TCERG1L: variants seen among roughly 807,000 people sequenced by gnomAD.
TCERG1L encodes transcription elongation regulator 1-like protein.
TCERG1L carries 37 observed loss-of-function variants against 56.3 expected under a neutral mutation model. The observed-to-expected ratio is 0.66, with a 90% confidence interval of 0.51 to 0.87. The LOEUF (loss-of-function observed/expected upper bound fraction) is 0.87. Among genes scored for constraint, TCERG1L ranks in the 40% least tolerant of loss-of-function variants. The pLI, the probability that TCERG1L is intolerant of heterozygous loss-of-function variation, is 0.00. For synonymous variants in TCERG1L, 324 were observed against 326.3 expected (o/e 0.99, Z 0.08); for missense variants, 799 against 774.2 (o/e 1.03, Z -0.38).
chr10:131,192,309 A>C (rs901887158), intron 4 of TCERG1L, among the ~76,000 whole-genome samples: 5 of 144,656 alleles, frequency 3.5e-5, no homozygotes, highest in Admixed American at 3.4e-4. Flanking sequence ...ACTGCAAATT[A>C]AAACCACAAT....
intron 7 of TCERG1L, among the ~76,000 whole-genome samples, chr10:131,137,143 A>C (rs1354236727): frequency 7.2e-6 from 1 of 138,042 alleles, no homozygotes; most frequent in Non-Finnish European, 1.6e-5. Context: ...CTGTCTCAAA[A>C]AACAACAAAC....
chr10:131,196,343 C>G (rs1214851524), intron 4 of TCERG1L, among the ~76,000 whole-genome samples: 2 of 152,148 alleles, frequency 1.3e-5, no homozygotes, highest in African/African-American at 4.8e-5. Flanking sequence ...ACAGCCGCGT[C>G]GCTCAGTGAC....
rs74445317 is a variant in TCERG1L at position 131,118,867 on chromosome 10, T to C, written c.1260-1933A>G. ...GGGGATGATTTTGCCCCAGGGGACATTTGGTAAGGTCTGGAAACATTTGTG... is the reference window on the plus strand; with the variant it reads ...GGGGATGATTTTGCCCCAGGGGACACTTGGTAAGGTCTGGAAACATTTGTG... On this transcript the variant is annotated intron_variant, in intron 8 of 11. Transcript: ENST00000368642. This position sits in a 1 kb window ranked among gnomAD's most constrained non-coding sequence, Gnocchi z 4.2. Among the ~76,000 whole-genome samples, 1 of 152,080 alleles carries C rather than the reference T, an allele frequency of 6.6e-6. No homozygotes were observed. Among genetic ancestry groups the C allele is most frequent in the Non-Finnish European group, 1.5e-5 (1 of 68,008 alleles).
intron 4 of TCERG1L, among the ~76,000 whole-genome samples, chr10:131,243,440 G>A (rs1028398723): frequency 6.6e-6 from 1 of 152,102 alleles, no homozygotes; most frequent in Non-Finnish European, 1.5e-5. Flanking sequence ...AATTAGCTCG[G>A]TGTAGTGGTA....
chr10:131,186,040 C>T (rs1845239479), intron 4 of TCERG1L, among the ~76,000 whole-genome samples: 1 of 152,316 alleles, frequency 6.6e-6, no homozygotes, highest in Admixed American at 6.5e-5. Flanking sequence ...AAGGGACGAA[C>T]TGCTGATATA....
At chr10:131,262,062 A>G (rs1369483934) in intron 3 of TCERG1L, among the ~76,000 whole-genome samples, 1 of 152,086 alleles carries the variant, frequency 6.6e-6, no homozygotes, top group Non-Finnish European at 1.5e-5. Flanking sequence ...ATACAGGGAG[A>G]TGAGGAAGTG....
intron 6 of TCERG1L, among the ~76,000 whole-genome samples, chr10:131,155,085 C>T (rs781305533): frequency 2.0e-5 from 3 of 152,058 alleles, no homozygotes; most frequent in Non-Finnish European, 2.9e-5. Flanking sequence ...TAAAAAGACA[C>T]GAGGAAAGAG....
At chr10:131,302,072 G>C (rs1400835783) in intron 3 of TCERG1L, among the ~76,000 whole-genome samples, 1 of 152,032 alleles carries the variant, frequency 6.6e-6, no homozygotes. Context: ...GCTTTTTTAA[G>C]AACATCTTTT....
chr10:131,166,816 T>A lies in TCERG1L; in HGVS notation c.926A>T (p.Asp309Val). The change falls in exon 5 of 12, where the codon GAT becomes GTT. Residue 309 changes from aspartate to valine, a missense_variant. By Grantham distance (152) the Asp-to-Val change is radical. Transcript: ENST00000368642. ...ACTGACCTTGTCTTCTTTGTCTCCA[T>A]CCCGGCTCTTCTGGGCCCGCAGCAT... ...ALMLRAQKSR[D>V]GDKEDKEPPP... is the part of the protein sequence containing the mutation. The A allele has an allele frequency of 5.6e-6, 9 of 1,613,904 alleles. No homozygotes were observed. The highest frequency in any genetic ancestry group is 7.6e-6 in the Non-Finnish European group (9 of 1,179,886).
intron 11 of TCERG1L, among the ~76,000 whole-genome samples, chr10:131,093,866 T>TA (rs1303314412): frequency 2.0e-5 from 3 of 152,120 alleles, no homozygotes; most frequent in Admixed American, 6.5e-5. Context: ...GTGATCTTGT[T>TA]AAACCTCACT....
Position 131,311,269 on chromosome 10 carries a change from C to A in TCERG1L, c.342+25G>T. On this transcript the variant is annotated intron_variant, in intron 1 of 11. Coordinates refer to ENST00000368642, the MANE Select transcript of TCERG1L (RefSeq NM_174937.4). The surrounding 1 kb of genome is among the most constrained non-coding windows in gnomAD (Gnocchi z 4.0). Reference sequence around the variant, plus strand: ...GGAGCAGGGGAGACGGCGACCCGGGCCGAGGCGGGACGGGGACACGTTACC... The same window carrying A: ...GGAGCAGGGGAGACGGCGACCCGGGACGAGGCGGGACGGGGACACGTTACC... The A allele has an allele frequency of 1.7e-6, 2 of 1,200,440 alleles. No homozygotes were observed. The highest frequency in any genetic ancestry group is 2.1e-6 in the Non-Finnish European group (2 of 967,432). 74.4% of individuals were successfully genotyped at this position (1,200,440 alleles called of 1,614,324 possible).
chr10:131,179,052 G>A (rs971906999), intron 4 of TCERG1L, among the ~76,000 whole-genome samples: 1 of 152,170 alleles, frequency 6.6e-6, no homozygotes, highest in Admixed American at 6.5e-5. Context: ...CAGCAGGGGA[G>A]GCTGAGCCCG....
rs1423439896 is a variant in TCERG1L, at chr10:131,240,544, T to C, written c.856+19715A>G. On this transcript the variant is annotated intron_variant, in intron 4 of 11. Coordinates refer to ENST00000368642, the MANE Select transcript of TCERG1L (RefSeq NM_174937.4). ...AGTATCTGAGGAACTAATGAATGAG[T>C]GAGTGAGTGAGTGAGCGTCTGTCCC... Among the ~76,000 whole-genome samples the C allele has an allele frequency of 6.4e-5, 3 of 47,180 alleles. No homozygotes were observed. In the East Asian group the frequency reaches 4.0e-3, roughly 63 times the overall value. The allele number at this position is 47,180 out of a possible 152,430, so 31.0% of individuals were successfully genotyped here.
Position 131,190,100 on chromosome 10 carries a change from T to G in TCERG1L, c.857-23215A>C, listed in dbSNP as rs147870902. ...ACAATGAAGCCGGAGACATTACAGC[T>G]GACACCAGAGAAATAAAAAAGATCA... On this transcript the variant is annotated intron_variant, in intron 4 of 11. Transcript: ENST00000368642. Among the ~76,000 whole-genome samples the G allele has an allele frequency of 6.3e-3, 952 of 152,264 alleles. 12 individuals carry two copies. Among genetic ancestry groups the G allele is most frequent in the African/African-American group, 0.022 (910 of 41,546 alleles).
intron 4 of TCERG1L, among the ~76,000 whole-genome samples, chr10:131,216,234 G>C (rs1225296786): frequency 1.3e-5 from 2 of 152,216 alleles, no homozygotes; most frequent in African/African-American, 2.4e-5. Context: ...AGCCCAAAGA[G>C]AGGAGGTGGA....
chr10:131,285,429 A>AGAG lies in TCERG1L; in HGVS notation c.670+22781_670+22782insCTC, dbSNP rs1564833809. ...AAGGAAGGAAAGAGAGAGAGAGAGA[A>AGAG]AGAGAGAAAGAGAAACAAAGAAAGA... On this transcript the variant is annotated intron_variant, in intron 3 of 11. Coordinates refer to ENST00000368642, the MANE Select transcript of TCERG1L (RefSeq NM_174937.4). Among the ~76,000 whole-genome samples, 16 of 73,196 alleles carry AGAG rather than the reference A, an allele frequency of 2.2e-4. 1 individual carries two copies. The highest frequency in any genetic ancestry group is 1.0e-3 in the East Asian group (2 of 1,972). 48.0% of individuals were successfully genotyped at this position (73,196 alleles called of 152,430 possible).
rs563099909 is a variant in TCERG1L at position 131,117,541 on chromosome 10, A to C, written c.1260-607T>G. On this transcript the variant is annotated intron_variant, in intron 8 of 11. Coordinates refer to ENST00000368642, the MANE Select transcript of TCERG1L (RefSeq NM_174937.4). ...TGGGATCACCCAGGGGCCCTGGAGA[A>C]GTTCCCTCCCACAGCAGAGGGGCGG... 4.6e-5 allele frequency among the ~76,000 whole-genome samples: 7 copies of C among 152,332 alleles called. No homozygotes were observed. In the East Asian group the frequency reaches 1.4e-3, roughly 30 times the overall value.
chr10:131,294,196 C>G (rs1846664860), intron 3 of TCERG1L, among the ~76,000 whole-genome samples: 1 of 152,190 alleles, frequency 6.6e-6, no homozygotes, highest in Non-Finnish European at 1.5e-5. Context: ...AATGATCAGG[C>G]CCAGAGAGGC....
intron 4 of TCERG1L, among the ~76,000 whole-genome samples, chr10:131,168,586 C>G (rs747307498): frequency 2.0e-5 from 3 of 152,214 alleles, no homozygotes; most frequent in Non-Finnish European, 4.4e-5. Flanking sequence ...TCGGATGAGG[C>G]AGAAACACAG....
Sources: gnomAD v4.1 joint callset for allele counts (sites outside exome capture counted in the v4.1 genomes callset) on GRCh38, gnomAD v4.1.1 for gene constraint, Gnocchi (gnomAD v3.1) non-coding constraint, MANE v1.5 for transcripts, NCBI Gene and HGNC (gene_info 2026-07-23, HGNC 2026-07-21) for gene names.